Variants in BRAF observed in about 807,000 individuals in gnomAD.
BRAF encodes B-Raf proto-oncogene, serine/threonine kinase.
Under a neutral mutation model 104.6 loss-of-function variants are expected in BRAF, and 16 were observed. The observed-to-expected ratio is 0.15, with a 90% confidence interval of 0.10 to 0.23. BRAF has a LOEUF of 0.23. Among genes scored for constraint, BRAF ranks in the 10% least tolerant of loss-of-function variants. The probability of loss-of-function intolerance (pLI) is 1.00; values close to 1 mark genes in which losing one functional copy is unlikely to be tolerated. For synonymous variants in BRAF, 310 were observed against 341.6 expected (o/e 0.91, Z 1.02); for missense variants, 541 against 937.3 (o/e 0.58, Z 5.52).
At chr7:140,736,281 C>G (rs375439814) in intron 18 of BRAF, among the ~76,000 whole-genome samples, 1 of 151,422 alleles carries the variant, frequency 6.6e-6, no homozygotes, top group Non-Finnish European at 1.5e-5. Flanking sequence ...TTTGCCCAGG[C>G]TGGTCTCGAA....
chr7:140,834,956 A>G, intron 2 of BRAF, 84 bp from the exon 3 acceptor site: 1 of 1,521,402 alleles, frequency 6.6e-7, no homozygotes, highest in Non-Finnish European at 9.1e-7. Flanking sequence ...GCCTTTGATT[A>G]TAATCTTTTC....
At chr7:140,782,989 T>A (rs1801023250) in intron 11 of BRAF, 32 bp downstream of exon 10, 2 of 1,610,494 alleles carry the variant, frequency 1.2e-6, no homozygotes, top group South Asian at 1.1e-5. Flanking sequence ...GAAGAAAGAA[T>A]TCAGAGAAAA....
Position 140,878,490 on chromosome 7 carries a change from G to A in BRAF, c.139-28278C>T, listed in dbSNP as rs550887558. Among the ~76,000 whole-genome samples the A allele has an allele frequency of 4.6e-5, 7 of 152,126 alleles. No homozygotes were observed. The South Asian group carries it at 1.5e-3, about 32-fold the overall frequency. On this transcript the variant is annotated intron_variant, in intron 1 of 19. Transcript: ENST00000644969. The stretch of plus-strand genomic sequence containing the variant: ...AGTGAAAAAAACCTACAGAATGCAA[G>A]AAAATAGCTGCAAGTCATGAATTTA...
chr7:140,909,734 G>A (rs1359452297), intron 1 of BRAF, among the ~76,000 whole-genome samples: 1 of 151,954 alleles, frequency 6.6e-6, no homozygotes, highest in East Asian at 1.9e-4. Flanking sequence ...GTATATTAAA[G>A]GTGCCTCAGT....
At chr7:140,778,902 G>T (rs973413611) in intron 12 of BRAF, among the ~76,000 whole-genome samples, 3 of 152,010 alleles carry the variant, frequency 2.0e-5, no homozygotes, top group African/African-American at 7.3e-5. Context: ...CCCATCAATG[G>T]TTACATGTTC....
chr7:140,877,029 A>C (rs1812341711), intron 1 of BRAF, among the ~76,000 whole-genome samples: 2 of 152,192 alleles, frequency 1.3e-5, no homozygotes, highest in Non-Finnish European at 2.9e-5. Flanking sequence ...TTTCTAAATA[A>C]TCTTTGAGTC....
rs397507471 is a variant in BRAF at position 140,794,328 on chromosome 7, T to A, written c.1120A>T (p.Ile374Leu). 1 of 1,614,006 alleles carries A rather than the reference T, an allele frequency of 6.2e-7. No homozygotes were observed. Among genetic ancestry groups the A allele is most frequent in the Non-Finnish European group, 8.5e-7 (1 of 1,180,032 alleles). Residue 374 changes from isoleucine (I) to leucine (L), a missense_variant, in exon 8 of 20, where the codon ATA becomes TTA. Transcript: ENST00000644969. ...SSAPNVHINTIEPVNIDDLIR... is the reference protein window; with the variant it reads ...SSAPNVHINTLEPVNIDDLIR... ...CTTACATCAATATTGACAGGTTCTA[T>A]TGTGTTTATATGCACATTGGGAGCT...
At chr7:140,764,960 T>C (rs1191484492) in intron 14 of BRAF, among the ~76,000 whole-genome samples, 1 of 152,238 alleles carries the variant, frequency 6.6e-6, no homozygotes, top group South Asian at 2.1e-4. Context: ...TTAAAGTTCA[T>C]ATGGAACCAA....
At chr7:140,914,796 T>C (rs1345828048) in intron 1 of BRAF, among the ~76,000 whole-genome samples, 4 of 151,744 alleles carry the variant, frequency 2.6e-5, no homozygotes, top group Non-Finnish European at 4.4e-5. Context: ...TCCCAGCACT[T>C]TGGGAGGCTG....
intron 3 of BRAF, among the ~76,000 whole-genome samples, chr7:140,821,550 C>T (rs112464618): frequency 0.012 from 1,822 of 151,830 alleles, 35 homozygotes; most frequent in African/African-American, 0.041. Context: ...GTGATCCTCC[C>T]GCCTCAACCT....
At chr7:140,875,779 G>A (rs568284248) in intron 1 of BRAF, among the ~76,000 whole-genome samples, 2 of 152,244 alleles carry the variant, frequency 1.3e-5, no homozygotes, top group South Asian at 4.1e-4. Context: ...AAGGCCAGAA[G>A]GAAGTTACAC....
At chr7:140,752,349 T>C (rs1374839651) in intron 16 of BRAF, among the ~76,000 whole-genome samples, 1 of 152,166 alleles carries the variant, frequency 6.6e-6, no homozygotes, top group Admixed American at 6.5e-5. Context: ...CTCCTCAATG[T>C]CTGGCTTAAC....
intron 13 of BRAF, 90 bp downstream of exon 12, chr7:140,777,901 T>C: frequency 8.1e-7 from 1 of 1,232,800 alleles, no homozygotes; most frequent in Non-Finnish European, 1.2e-6. Flanking sequence ...TTTGAGTAAA[T>C]CTGTAAAGCT....
At chr7:140,734,007 CA>C in intron 19 of BRAF, 1 of 1,034,004 alleles carries the variant, frequency 9.7e-7, no homozygotes, top group Non-Finnish European at 1.2e-6. Context: ...CACCTGCACT[CA>C]AAATTTATAA....
chr7:140,916,001 A>AAAC, intron 1 of BRAF, among the ~76,000 whole-genome samples: 1 of 152,134 alleles, frequency 6.6e-6, no homozygotes, highest in East Asian at 1.9e-4. Context: ...AACAAACAAA[A>AAAC]AAAACCCAAG....
At chr7:140,846,242 C>T (rs1038785685) in intron 2 of BRAF, among the ~76,000 whole-genome samples, 3 of 152,156 alleles carry the variant, frequency 2.0e-5, no homozygotes, top group Admixed American at 6.5e-5. Context: ...AACGTAGAAG[C>T]AACCCAAGTG....
chr7:140,915,873 G>A (rs988260432), intron 1 of BRAF, among the ~76,000 whole-genome samples: 2 of 151,494 alleles, frequency 1.3e-5, no homozygotes, highest in African/African-American at 4.8e-5. Context: ...AATCGGCAAG[G>A]TGATGCTGGG....
chr7:140,923,018 G>C (rs1343785899), intron 1 of BRAF, among the ~76,000 whole-genome samples: 1 of 152,096 alleles, frequency 6.6e-6, no homozygotes, highest in Admixed American at 6.6e-5. Flanking sequence ...ACTGAAAAGT[G>C]GAATGATTTT....
intron 14 of BRAF, among the ~76,000 whole-genome samples, chr7:140,774,067 C>T (rs151058582): frequency 2.2e-3 from 336 of 152,290 alleles, no homozygotes; most frequent in Middle Eastern, 0.01. Context: ...TGTGTCGGTA[C>T]ATTTAACCAG....
Sources: gnomAD v4.1 joint callset for allele counts (sites outside exome capture counted in the v4.1 genomes callset) on GRCh38, gnomAD v4.1.1 for gene constraint, MANE v1.5 for transcripts, NCBI Gene and HGNC (gene_info 2026-07-23, HGNC 2026-07-21) for gene names.